AKR1B15: variants seen among roughly 807,000 people sequenced by gnomAD.
AKR1B15 encodes the protein estradiol 17-beta-dehydrogenase AKR1B15.
AKR1B15 carries 49 observed loss-of-function variants against 38.5 expected under a neutral mutation model. That is an observed-to-expected ratio of 1.27 (90% CI 1.01 to 1.62). AKR1B15 has a LOEUF of 1.62. AKR1B15 is among the 40% of genes most tolerant of loss of function. The pLI, the probability that AKR1B15 is intolerant of heterozygous loss-of-function variation, is 0.00. For missense variants in AKR1B15, 411 were observed against 381.6 expected (o/e 1.08, Z -0.64); for synonymous variants, 137 against 135.5 (o/e 1.01, Z -0.08).
chr7:134,578,907 C>T (rs563503873), intron 11 of AKR1B15, among the ~76,000 whole-genome samples: 25 of 152,332 alleles, frequency 1.6e-4, no homozygotes, highest in Middle Eastern at 3.4e-3. Context: ...CACTTACTTT[C>T]CTATGAGCAT....
At chr7:134,575,616 G>A in intron 7 of AKR1B15, 74 bp downstream of exon 7, 1 of 1,597,390 alleles carries the variant, frequency 6.3e-7, no homozygotes, top group Non-Finnish European at 8.5e-7. Context: ...AATGTTCAAT[G>A]CTATGCCCTG....
At chr7:134,578,902 A>G (rs1321698345) in intron 11 of AKR1B15, among the ~76,000 whole-genome samples, 1 of 152,208 alleles carries the variant, frequency 6.6e-6, no homozygotes, top group African/African-American at 2.4e-5. Flanking sequence ...TAAAACACTT[A>G]CTTTCCTATG....
intron 2 of AKR1B15, among the ~76,000 whole-genome samples, chr7:134,560,880 C>A (rs1794367041): frequency 3.9e-5 from 6 of 152,204 alleles, no homozygotes; most frequent in Admixed American, 3.9e-4. Context: ...CAGACTAACA[C>A]CACTTTCGTG....
rs1425034201 is a variant in AKR1B15, at chr7:134,571,605, C to T, written c.437C>T (p.Thr146Ile). Residue 146 changes from threonine to isoleucine, a missense_variant and splice_region_variant, in exon 6 of 12, where the codon ACT becomes ATT. Thr to Ile is a moderately conservative substitution (Grantham distance 89). Transcript: ENST00000457545. ...YLIHWPQGFK[T>I]GDDFFPKDDK... ...AAACTTTTCATTCTGTATTTACAGA[C>T]TGGGGATGACTTTTTCCCCAAAGAT... 6.2e-7 allele frequency: 1 copy of T among 1,611,496 alleles called. No individual in the cohort carries two copies. Among genetic ancestry groups the T allele is most frequent in the Non-Finnish European group, 8.5e-7 (1 of 1,178,102 alleles).
chr7:134,562,887 T>TTTCTTTCTTTCC (rs1794450502), intron 2 of AKR1B15, among the ~76,000 whole-genome samples: 1 of 119,982 alleles, frequency 8.3e-6, no homozygotes, highest in Non-Finnish European at 1.8e-5. Flanking sequence ...TCTTTCTTTC[T>TTTCTTTCTTTCC]TTCCTTCTTT....
chr7:134,563,565 A>G (rs1347132825), intron 2 of AKR1B15, among the ~76,000 whole-genome samples: 1 of 152,078 alleles, frequency 6.6e-6, no homozygotes, highest in East Asian at 1.9e-4. Context: ...AACAAACAAA[A>G]AGCAGTGAGA....
At position 134,562,432 on chromosome 7, in the gene AKR1B15, CATTTTACAGAGTGCTGATTGGTCT is replaced by C. The variant is rs1480630813; in HGVS notation, c.-22-2142_-22-2119del. On this transcript the variant is annotated intron_variant, in intron 2 of 11. Transcript: ENST00000457545. ...CCATTTTACAGAGTGCTGATTGGTC[CATTTTACAGAGTGCTGATTGGTCT>C]ATTTTACAGAGTGCTGATTGGTCCA... Among the ~76,000 whole-genome samples the C allele has an allele frequency of 4.3e-4, 65 of 150,862 alleles. No homozygotes were observed. In the East Asian group the frequency reaches 4.4e-3, roughly 10 times the overall value.
At chr7:134,575,764 G>C (rs555457947) in intron 7 of AKR1B15, 57 bp from the exon 8 acceptor site, 4 of 1,602,868 alleles carry the variant, frequency 2.5e-6, no homozygotes, top group Non-Finnish European at 3.4e-6. Context: ...GAACTCCCTA[G>C]GAACAATGCA....
chr7:134,567,367 T>C (rs1339449443), intron 3 of AKR1B15, among the ~76,000 whole-genome samples: 1 of 152,204 alleles, frequency 6.6e-6, no homozygotes, highest in Non-Finnish European at 1.5e-5. Context: ...CCTACCTCGC[T>C]CTTTCTTTTT....
intron 3 of AKR1B15, chr7:134,565,631 G>A: frequency 6.4e-7 from 1 of 1,573,250 alleles, no homozygotes; most frequent in Non-Finnish European, 8.6e-7. Context: ...AGAAAAGCCT[G>A]GAGGTCGGGT....
At chr7:134,578,033 A>G (rs547415461) in intron 11 of AKR1B15, among the ~76,000 whole-genome samples, 1 of 152,336 alleles carries the variant, frequency 6.6e-6, no homozygotes, top group African/African-American at 2.4e-5. Flanking sequence ...ATCAATAGGC[A>G]GGAGGCAGAA....
intron 1 of AKR1B15, among the ~76,000 whole-genome samples, chr7:134,551,744 C>T (rs529692284): frequency 3.6e-4 from 55 of 152,290 alleles, no homozygotes; most frequent in African/African-American, 1.3e-3. Context: ...CGAGTCCCCA[C>T]CAGGAAGGCC....
intron 2 of AKR1B15, among the ~76,000 whole-genome samples, chr7:134,562,263 G>A (rs1360994319): frequency 2.0e-5 from 3 of 152,190 alleles, no homozygotes; most frequent in Non-Finnish European, 2.9e-5. Context: ...TGAGCAGCAG[G>A]AAGATTTATT....
chr7:134,570,835 A>G (rs1216122507), intron 5 of AKR1B15, among the ~76,000 whole-genome samples: 1 of 152,162 alleles, frequency 6.6e-6, no homozygotes, highest in Admixed American at 6.5e-5. Context: ...TGCCTGGGTT[A>G]TCTTGCAGTT....
At chr7:134,564,027 C>A (rs761628539) in intron 2 of AKR1B15, among the ~76,000 whole-genome samples, 5 of 152,170 alleles carry the variant, frequency 3.3e-5, no homozygotes, top group Admixed American at 6.5e-5. Flanking sequence ...GCACCTGCAA[C>A]CTTAGTCTTC....
Position 134,579,731 on chromosome 7 carries a change from A to C in AKR1B15, c.*182A>C, listed in dbSNP as rs1199384633. 3 of 527,942 alleles carry C rather than the reference A, an allele frequency of 5.7e-6. No individual in the cohort carries two copies. The highest frequency in any genetic ancestry group is 9.7e-6 in the Non-Finnish European group (3 of 308,444). 32.7% of individuals were successfully genotyped at this position (527,942 alleles called of 1,614,324 possible). A position where few individuals can be genotyped will look rare whatever the true frequency, so the allele number is the denominator to read the frequency against. On this transcript the variant is annotated 3_prime_UTR_variant, in exon 12 of 12. Coordinates refer to ENST00000457545, the MANE Select transcript of AKR1B15 (RefSeq NM_001080538.3). ...TTCTGTATGTTCAACTAGGATAAGA[A>C]TATCACAGAAAAGCATGGCCTGAAT...
chr7:134,551,069 C>T (rs1793954591), intron 1 of AKR1B15, among the ~76,000 whole-genome samples: 1 of 152,244 alleles, frequency 6.6e-6, no homozygotes, highest in South Asian at 2.1e-4. Context: ...AGCCAGACCT[C>T]ACTTTTGCCT....
At chr7:134,555,531 T>C (rs766136987) in intron 1 of AKR1B15, among the ~76,000 whole-genome samples, 1 of 152,132 alleles carries the variant, frequency 6.6e-6, no homozygotes, top group Non-Finnish European at 1.5e-5. Flanking sequence ...ACCTCTTCTG[T>C]CTGTTTCCAC....
chr7:134,557,521 A>G (rs2117622450), intron 2 of AKR1B15, among the ~76,000 whole-genome samples: 1 of 152,222 alleles, frequency 6.6e-6, no homozygotes, highest in South Asian at 2.1e-4. Flanking sequence ...ACATCCAAGA[A>G]TGCGCTTACT....
Sources: allele counts gnomAD v4.1 joint callset (sites outside exome capture counted in the v4.1 genomes callset), GRCh38; gene constraint gnomAD v4.1.1; transcripts MANE v1.5; gene names NCBI Gene and HGNC (gene_info 2026-07-23, HGNC 2026-07-21).